The following TGS1 variants were observed in gnomAD, a reference collection of about 807,000 sequenced individuals.
TGS1 encodes trimethylguanosine synthase 1.
In TGS1, 69 loss-of-function variants were observed where a neutral mutation model predicts 92.2. The observed-to-expected ratio is 0.75, with a 90% CI of 0.62 to 0.91. The LOEUF (loss-of-function observed/expected upper bound fraction) is 0.91, where lower values mean the gene tolerates loss of function less well. Among genes scored for constraint, TGS1 ranks in the 40% least tolerant of loss-of-function variants. TGS1 has a pLI of 0.00. For synonymous variants in TGS1, 345 were observed against 338.1 expected (o/e 1.02, Z -0.22); for missense variants, 1,062 against 1,001.2 (o/e 1.06, Z -0.82).
intron 4 of TGS1, among the ~76,000 whole-genome samples, chr8:55,788,005 C>T (rs889781323): frequency 1.3e-5 from 2 of 152,226 alleles, no homozygotes; most frequent in Non-Finnish European, 2.9e-5. Flanking sequence ...ATGACCCAAA[C>T]ACTTCCCACC....
intron 10 of TGS1, among the ~76,000 whole-genome samples, chr8:55,807,935 T>C (rs1187681963): frequency 1.3e-5 from 2 of 152,230 alleles, no homozygotes; most frequent in Non-Finnish European, 2.9e-5. Flanking sequence ...TTCTACTGAA[T>C]CTTACTAATT....
At chr8:55,798,307 A>G (rs1812119159) in intron 7 of TGS1, among the ~76,000 whole-genome samples, 1 of 152,260 alleles carries the variant, frequency 6.6e-6, no homozygotes, top group African/African-American at 2.4e-5. Context: ...AAAGAAGTAT[A>G]TGATCTGATG....
chr8:55,808,675 ATTTTTT>A (rs1439110833), intron 10 of TGS1, among the ~76,000 whole-genome samples: 1 of 151,752 alleles, frequency 6.6e-6, no homozygotes, highest in Non-Finnish European at 1.5e-5. Flanking sequence ...CGCCCAGCTA[ATTTTTT>A]TATTTTTAGT....
intron 10 of TGS1, among the ~76,000 whole-genome samples, chr8:55,810,525 A>C (rs1339541324): frequency 6.6e-6 from 1 of 152,256 alleles, no homozygotes; most frequent in Admixed American, 6.5e-5. Context: ...CAGGCTGTCC[A>C]TACAGTCAGT....
At chr8:55,790,448 G>T in intron 5 of TGS1, 149 bp downstream of exon 5, 1 of 612,704 alleles carries the variant, frequency 1.6e-6, no homozygotes. Flanking sequence ...TGAGCCTTTG[G>T]ACCTGGACCT....
intron 12 of TGS1, among the ~76,000 whole-genome samples, chr8:55,817,177 G>A (rs997251858): frequency 6.6e-6 from 1 of 152,134 alleles, no homozygotes; most frequent in Non-Finnish European, 1.5e-5. Flanking sequence ...TCTCTCCTTA[G>A]TTGGCAGAGT....
At chr8:55,794,166 T>G (rs138568492) in intron 6 of TGS1, among the ~76,000 whole-genome samples, 158 of 152,334 alleles carry the variant, frequency 1.0e-3, no homozygotes, top group African/African-American at 3.6e-3. Flanking sequence ...TACATGTGCC[T>G]GCCTGCCTTC....
At chr8:55,808,227 A>G (rs915638627) in intron 10 of TGS1, among the ~76,000 whole-genome samples, 9 of 152,178 alleles carry the variant, frequency 5.9e-5, no homozygotes, top group Non-Finnish European at 1.2e-4. Context: ...CATATTTACG[A>G]GAGTAGTGGT....
chr8:55,822,954 C>T (rs961876509), intron 12 of TGS1, among the ~76,000 whole-genome samples: 4 of 152,170 alleles, frequency 2.6e-5, no homozygotes, highest in African/African-American at 7.2e-5. Flanking sequence ...TTACAAAATA[C>T]ACAACTATAA....
At chr8:55,782,914 A>G in intron 2 of TGS1, 102 bp downstream of exon 2, 1 of 748,346 alleles carries the variant, frequency 1.3e-6, no homozygotes, top group Non-Finnish European at 2.1e-6. Flanking sequence ...TTGTTAGCAT[A>G]AAATATAAAT....
intron 12 of TGS1, among the ~76,000 whole-genome samples, chr8:55,816,714 C>G (rs1803486766): frequency 6.6e-6 from 1 of 152,156 alleles, no homozygotes; most frequent in South Asian, 2.1e-4. Flanking sequence ...CTTCCCCAGG[C>G]ACATGTCATG....
chr8:55,777,409 C>T (rs1016573435), intron 1 of TGS1, among the ~76,000 whole-genome samples: 6 of 152,094 alleles, frequency 3.9e-5, no homozygotes, highest in Admixed American at 3.9e-4. Context: ...CAACAATCCC[C>T]CCATGCTGGA....
At chr8:55,810,788 T>C (rs896300742) in intron 10 of TGS1, 93 bp from the exon 11 acceptor site, 9 of 1,032,006 alleles carry the variant, frequency 8.7e-6, no homozygotes, top group African/African-American at 1.6e-5. Flanking sequence ...AGAGTTCTTA[T>C]ACAGAAGATG....
In TGS1 at chr8:55,825,360, T is replaced by C. The variant is rs1472338876; in HGVS notation, c.*657T>C. 6.6e-6 allele frequency: 1 copy of C among 152,250 alleles called. No individual in the cohort carries two copies. 9.4% of individuals were successfully genotyped at this position (152,250 alleles called of 1,614,324 possible). A position where few individuals can be genotyped will look rare whatever the true frequency, so the allele number is the denominator to read the frequency against. On this transcript the variant is annotated 3_prime_UTR_variant, in exon 13 of 13. Transcript: ENST00000260129. The stretch of plus-strand genomic sequence containing the variant: ...AACACCCTTTTATAAAGTTTGTGTT[T>C]GTAAAATTTCCATTGTGACATCAAT...
At chr8:55,798,863 C>G in intron 7 of TGS1, 51 bp from the exon 8 acceptor site, 4 of 1,408,020 alleles carry the variant, frequency 2.8e-6, no homozygotes, top group Non-Finnish European at 3.9e-6. Context: ...TAGGAAGATT[C>G]TGTGTAGTTT....
At chr8:55,824,500 A>G in intron 12 of TGS1, 81 bp from the exon 13 acceptor site, 1 of 1,551,574 alleles carries the variant, frequency 6.4e-7, no homozygotes, top group East Asian at 2.3e-5. Context: ...TCTTCCTATT[A>G]TTTGATAAAG....
At chr8:55,812,515 AT>A (rs1230938573) in intron 11 of TGS1, among the ~76,000 whole-genome samples, 1 of 147,828 alleles carries the variant, frequency 6.8e-6, no homozygotes, top group Non-Finnish European at 1.5e-5. Flanking sequence ...AAAAAAAAAA[AT>A]TACAGTGTAA....
rs189200418 is a variant in TGS1, at chr8:55,773,894, C to A, written c.101+175C>A. Among the ~76,000 whole-genome samples the A allele has an allele frequency of 2.6e-5, 4 of 152,266 alleles. No homozygotes were observed. In the East Asian group the frequency reaches 7.7e-4, roughly 29 times the overall value. ...ACATGACGGAGTGGTCGCCCACTGC[C>A]ATTATTTTTATGTGAAGGACTACAT... On this transcript the variant is annotated intron_variant, in intron 1 of 12. Transcript: ENST00000260129.
chr8:55,816,871 T>A (rs929250313), intron 12 of TGS1, among the ~76,000 whole-genome samples: 3 of 152,160 alleles, frequency 2.0e-5, no homozygotes, highest in South Asian at 2.1e-4. Flanking sequence ...TTTATTTTTT[T>A]TTTTTTTGAG....
Sources: gnomAD v4.1 joint callset for allele counts (sites outside exome capture counted in the v4.1 genomes callset) on GRCh38, gnomAD v4.1.1 for gene constraint, MANE v1.5 for transcripts, NCBI Gene and HGNC (gene_info 2026-07-23, HGNC 2026-07-21) for gene names.